CNTNAP2: variants seen among roughly 807,000 people sequenced by gnomAD.
CNTNAP2 encodes contactin-associated protein-like 2.
A neutral mutation model predicts 155.2 loss-of-function variants in CNTNAP2; 98 were observed. The observed-to-expected ratio is 0.63, with a 90% CI of 0.54 to 0.75. The LOEUF is 0.75. CNTNAP2 is among the 30% of genes least tolerant of loss of function. CNTNAP2 has a pLI of 0.00. For missense variants in CNTNAP2, 1,727 were observed against 1,688.1 expected (o/e 1.02, Z -0.40); for synonymous variants, 651 against 631.2 (o/e 1.03, Z -0.47).
At chr7:147,990,528 T>C (rs1022883269) in intron 15 of CNTNAP2, among the ~76,000 whole-genome samples, 1 of 151,542 alleles carries the variant, frequency 6.6e-6, no homozygotes, top group African/African-American at 2.4e-5. Flanking sequence ...CCGGCCTCTC[T>C]GGCCAGAGGG....
At chr7:147,432,610 C>T (rs1013682312) in intron 10 of CNTNAP2, among the ~76,000 whole-genome samples, 2 of 152,172 alleles carry the variant, frequency 1.3e-5, no homozygotes, top group Admixed American at 6.5e-5. Flanking sequence ...CCCATTTGGA[C>T]CTTGCTGATA....
intron 1 of CNTNAP2, among the ~76,000 whole-genome samples, chr7:146,491,451 T>C (rs1485715097): frequency 6.6e-6 from 1 of 152,188 alleles, no homozygotes; most frequent in Non-Finnish European, 1.5e-5. Flanking sequence ...TATTGTATTT[T>C]TTTTTCTTAT....
chr7:148,201,616 C>A (rs1001179524), intron 18 of CNTNAP2, among the ~76,000 whole-genome samples: 2 of 152,086 alleles, frequency 1.3e-5, no homozygotes. Context: ...TCTCAGGAGA[C>A]AAACCAGTGA....
At chr7:146,634,076 G>A (rs1409041043) in intron 1 of CNTNAP2, among the ~76,000 whole-genome samples, 1 of 151,930 alleles carries the variant, frequency 6.6e-6, no homozygotes, top group Non-Finnish European at 1.5e-5. Flanking sequence ...CCCAACACTA[G>A]CTCCACACCA....
chr7:147,798,824 G>A (rs1220742305), intron 13 of CNTNAP2, among the ~76,000 whole-genome samples: 1 of 152,202 alleles, frequency 6.6e-6, no homozygotes, highest in Non-Finnish European at 1.5e-5. Context: ...AAGGAAAAAG[G>A]AGAGCAGAGA....
At chr7:146,497,447 T>C (rs946867027) in intron 1 of CNTNAP2, among the ~76,000 whole-genome samples, 6 of 152,178 alleles carry the variant, frequency 3.9e-5, no homozygotes, top group African/African-American at 1.4e-4. Context: ...AATATGCTTC[T>C]TCCTTCCAGT....
chr7:147,483,239 G>A (rs1798454850), intron 10 of CNTNAP2, among the ~76,000 whole-genome samples: 1 of 151,974 alleles, frequency 6.6e-6, no homozygotes, highest in South Asian at 2.1e-4. Flanking sequence ...ATAATACGAT[G>A]ATAAATCTAA....
chr7:148,232,271 C>T (rs1238476240), intron 20 of CNTNAP2, among the ~76,000 whole-genome samples: 3 of 152,246 alleles, frequency 2.0e-5, no homozygotes, highest in Admixed American at 6.5e-5. Context: ...GCCCCACTTT[C>T]TTTCATGCAG....
chr7:146,187,049 A>C (rs1483775733), intron 1 of CNTNAP2, among the ~76,000 whole-genome samples: 3 of 152,186 alleles, frequency 2.0e-5, no homozygotes, highest in Non-Finnish European at 4.4e-5. Flanking sequence ...TTATTCTTGC[A>C]GAAAAAGTCT....
intron 21 of CNTNAP2, among the ~76,000 whole-genome samples, chr7:148,321,215 C>T (rs192211403): frequency 6.6e-6 from 1 of 151,774 alleles, no homozygotes; most frequent in Admixed American, 6.6e-5. Flanking sequence ...ATTTTTTTTT[C>T]AAACAGTGGA....
intron 12 of CNTNAP2, among the ~76,000 whole-genome samples, chr7:147,585,451 A>G (rs1800599802): frequency 6.7e-6 from 1 of 149,444 alleles, no homozygotes; most frequent in South Asian, 2.1e-4. Context: ...ATTGTATACA[A>G]TTATATATGT....
chr7:148,394,736 G>A (rs1316150794), intron 22 of CNTNAP2, among the ~76,000 whole-genome samples: 1 of 152,184 alleles, frequency 6.6e-6, no homozygotes, highest in Non-Finnish European at 1.5e-5. Flanking sequence ...TCAAACATGG[G>A]ATTAGAGATT....
intron 1 of CNTNAP2, among the ~76,000 whole-genome samples, chr7:146,336,384 T>C (rs1313707628): frequency 1.3e-5 from 2 of 151,992 alleles, no homozygotes; most frequent in Non-Finnish European, 2.9e-5. Context: ...CCCAGAACTT[T>C]CTCTAAGTTC....
At chr7:146,168,473 A>G (rs990118417) in intron 1 of CNTNAP2, among the ~76,000 whole-genome samples, 15 of 152,022 alleles carry the variant, frequency 9.9e-5, no homozygotes, top group African/African-American at 2.4e-4. Context: ...TATTTTTTCT[A>G]TATGTTGAAA....
chr7:147,290,618 G>T (rs1389416737), intron 8 of CNTNAP2, among the ~76,000 whole-genome samples: 9 of 150,170 alleles, frequency 6.0e-5, no homozygotes, highest in Admixed American at 3.3e-4. Context: ...GGGAGGTGGA[G>T]GTTGCAGTGG....
At chr7:148,294,039 CAAAAAAAAAAAAAAAAAAAAA>C (rs10607772) in intron 21 of CNTNAP2, among the ~76,000 whole-genome samples, 2 of 70,026 alleles carry the variant, frequency 2.9e-5, no homozygotes, top group Non-Finnish European at 5.1e-5. Context: ...GGCTCCATCT[CAAAAAAAAAAAAAAAAAAAAA>C]AAAAAAAGAA....
chr7:148,345,330 T>C (rs896192449), intron 21 of CNTNAP2, among the ~76,000 whole-genome samples: 4 of 150,238 alleles, frequency 2.7e-5, no homozygotes, highest in Admixed American at 1.3e-4. Flanking sequence ...TACTGAGCGC[T>C]GTCACTAGAT....
intron 9 of CNTNAP2, among the ~76,000 whole-genome samples, chr7:147,357,333 C>T (rs1449306471): frequency 1.3e-5 from 2 of 151,974 alleles, no homozygotes; most frequent in African/African-American, 4.8e-5. Flanking sequence ...AGCTGTAGGG[C>T]CAGACAGAGC....
intron 21 of CNTNAP2, among the ~76,000 whole-genome samples, chr7:148,350,059 G>A (rs572575264): frequency 1.1e-4 from 16 of 152,324 alleles, no homozygotes; most frequent in Middle Eastern, 3.4e-3. Flanking sequence ...ACCATGAGTG[G>A]AGGCAGGGAG....
Sources: gnomAD v4.1 joint callset for allele counts (sites outside exome capture counted in the v4.1 genomes callset) on GRCh38, gnomAD v4.1.1 for gene constraint, MANE v1.5 for transcripts, NCBI Gene and HGNC (gene_info 2026-07-23, HGNC 2026-07-21) for gene names.